The following MBD5 variants were observed in gnomAD, a reference collection of about 807,000 sequenced individuals.
MBD5 encodes the protein methyl-CpG binding domain protein 5, also known as methyl-CpG-binding domain protein 5.
Under a neutral mutation model 117.3 loss-of-function variants are expected in MBD5, and 13 were observed. The observed-to-expected ratio is 0.11, with a 90% CI of 0.07 to 0.18. MBD5 has a LOEUF of 0.18. Ranked by LOEUF, MBD5 falls within the 10% of genes least tolerant of loss-of-function variation. MBD5 has a pLI of 1.00. For synonymous variants in MBD5, 727 were observed against 766.4 expected (o/e 0.95, Z 0.85); for missense variants, 1,879 against 2,093.8 (o/e 0.90, Z 2.00).
At chr2:148,200,881 A>G (rs1206234121) in intron 2 of MBD5, among the ~76,000 whole-genome samples, 1 of 152,184 alleles carries the variant, frequency 6.6e-6, no homozygotes, top group Non-Finnish European at 1.5e-5. Context: ...CTATTAAGGC[A>G]CTTTTTTAAA....
intron 3 of MBD5, among the ~76,000 whole-genome samples, chr2:148,239,019 T>TACACACACAC (rs10692364): frequency 1.3e-5 from 2 of 149,810 alleles, no homozygotes; most frequent in African/African-American, 4.9e-5. Flanking sequence ...ATATATTATA[T>TACACACACAC]ACACACACAC....
intron 3 of MBD5, among the ~76,000 whole-genome samples, chr2:148,279,873 C>T (rs1377455): frequency 0.94 from 143,080 of 152,102 alleles, 67,873 homozygotes; most frequent in East Asian, 1. Context: ...GCCTCAAACT[C>T]CATGGGCTCA....
At chr2:148,121,636 T>A (rs1374641816) in intron 1 of MBD5, among the ~76,000 whole-genome samples, 1 of 152,128 alleles carries the variant, frequency 6.6e-6, no homozygotes, top group South Asian at 2.1e-4. Context: ...TAAAAAGCCA[T>A]GCAACATGTC....
chr2:148,357,641 T>A (rs1703420264), intron 4 of MBD5, among the ~76,000 whole-genome samples: 1 of 152,092 alleles, frequency 6.6e-6, no homozygotes, highest in Admixed American at 6.6e-5. Flanking sequence ...TTTTTTTTCT[T>A]GTTCTTTCCT....
intron 4 of MBD5, among the ~76,000 whole-genome samples, chr2:148,376,658 A>G (rs1703996024): frequency 1.4e-5 from 2 of 146,630 alleles, no homozygotes; most frequent in African/African-American, 5.0e-5. Context: ...AGATTAGGGT[A>G]CTGTATTGGT....
intron 8 of MBD5, among the ~76,000 whole-genome samples, chr2:148,472,692 C>T (rs1680835070): frequency 6.6e-6 from 1 of 152,044 alleles, no homozygotes; most frequent in African/African-American, 2.4e-5. Context: ...CAGAATGAGA[C>T]AGTAAATGAT....
chr2:148,217,311 C>T (rs1699582330), intron 2 of MBD5, among the ~76,000 whole-genome samples: 1 of 152,140 alleles, frequency 6.6e-6, no homozygotes. Flanking sequence ...TCTTTGCATT[C>T]AGCTGTGATG....
intron 1 of MBD5, among the ~76,000 whole-genome samples, chr2:148,150,726 G>A (rs2105640638): frequency 6.6e-6 from 1 of 152,198 alleles, no homozygotes; most frequent in South Asian, 2.1e-4. Context: ...GTTCCCTCAT[G>A]ATTTGGCTCT....
At chr2:148,499,441 C>T (rs766868113) in intron 11 of MBD5, among the ~76,000 whole-genome samples, 9 of 152,164 alleles carry the variant, frequency 5.9e-5, no homozygotes, top group Admixed American at 2.0e-4. Context: ...CTATTAGCAT[C>T]ATTGCTATCA....
intron 3 of MBD5, among the ~76,000 whole-genome samples, chr2:148,281,482 T>C (rs1701243165): frequency 6.6e-6 from 1 of 152,162 alleles, no homozygotes; most frequent in Non-Finnish European, 1.5e-5. Flanking sequence ...CTTATTCTTT[T>C]TTAAGATATT....
chr2:148,136,224 G>C (rs1393103505), intron 1 of MBD5, among the ~76,000 whole-genome samples: 1 of 152,036 alleles, frequency 6.6e-6, no homozygotes, highest in Non-Finnish European at 1.5e-5. Flanking sequence ...ACGGTCTTAC[G>C]TGTACTCTAA....
chr2:148,338,912 G>A, intron 3 of MBD5, among the ~76,000 whole-genome samples: 1 of 152,186 alleles, frequency 6.6e-6, no homozygotes, highest in East Asian at 1.9e-4. Flanking sequence ...TCTGCCTAAA[G>A]ACATTCAAAT....
At chr2:148,421,952 A>G (rs183053481) in intron 4 of MBD5, among the ~76,000 whole-genome samples, 2 of 152,288 alleles carry the variant, frequency 1.3e-5, no homozygotes, top group Non-Finnish European at 1.5e-5. Context: ...ACAGATAAAA[A>G]TCCCATCACC....
intron 2 of MBD5, among the ~76,000 whole-genome samples, chr2:148,228,981 C>G (rs1219055667): frequency 2.0e-5 from 3 of 152,138 alleles, no homozygotes; most frequent in Middle Eastern, 3.4e-3. Flanking sequence ...TTTATTGCGT[C>G]TATTTGATTC....
chr2:148,251,808 GC>G (rs1177478833), intron 3 of MBD5, among the ~76,000 whole-genome samples: 2 of 152,178 alleles, frequency 1.3e-5, no homozygotes, highest in African/African-American at 4.8e-5. Context: ...ACTGCTGTAT[GC>G]CCAAAAAGAC....
intron 4 of MBD5, among the ~76,000 whole-genome samples, chr2:148,426,164 G>A (rs1433964321): frequency 1.3e-5 from 2 of 152,300 alleles, no homozygotes; most frequent in East Asian, 1.9e-4. Context: ...ATACAAACAA[G>A]TGGAAGAACA....
chr2:148,374,848 C>G (rs1426641944), intron 4 of MBD5, among the ~76,000 whole-genome samples: 1 of 152,108 alleles, frequency 6.6e-6, no homozygotes, highest in African/African-American at 2.4e-5. Context: ...CCCACACATG[C>G]GTATGACTAT....
chr2:148,188,926 G>A lies in MBD5; in HGVS notation c.-831+10133G>A, dbSNP rs553175753. Among the ~76,000 whole-genome samples, 728 of 151,894 alleles carry A rather than the reference G, an allele frequency of 4.8e-3. 4 individuals are homozygous for A. Among genetic ancestry groups the A allele is most frequent in the Non-Finnish European group, 6.9e-3 (472 of 67,954 alleles). ...CACCGTGCGCGAGCCGAAGCAGGGC[G>A]AGACATTGCCTCACCTGGGAAGCGC... On this transcript the variant is annotated intron_variant, in intron 2 of 13. Coordinates refer to ENST00000642680, the MANE Select transcript of MBD5 (RefSeq NM_001378120.1).
At chr2:148,126,969 T>C (rs1484980645) in intron 1 of MBD5, among the ~76,000 whole-genome samples, 2 of 144,958 alleles carry the variant, frequency 1.4e-5, no homozygotes, top group Admixed American at 7.4e-5. Context: ...CTTCAGCTTT[T>C]TTTCTTTCTT....
Sources: gnomAD v4.1 joint callset for allele counts (sites outside exome capture counted in the v4.1 genomes callset) on GRCh38, gnomAD v4.1.1 for gene constraint, MANE v1.5 for transcripts, NCBI Gene and HGNC (gene_info 2026-07-23, HGNC 2026-07-21) for gene names.